ARHGAP28: variants seen among roughly 807,000 people sequenced by gnomAD.
ARHGAP28 encodes the protein Rho GTPase activating protein 28.
A neutral mutation model predicts 90.7 loss-of-function variants in ARHGAP28; 56 were observed. That is an observed-to-expected ratio of 0.62 (90% CI 0.50 to 0.77). ARHGAP28 has a LOEUF of 0.77. ARHGAP28 is among the 30% of genes least tolerant of loss of function. The pLI, the probability that ARHGAP28 is intolerant of heterozygous loss-of-function variation, is 0.00. For synonymous variants in ARHGAP28, 308 were observed against 323.3 expected (o/e 0.95, Z 0.51); for missense variants, 869 against 900.9 (o/e 0.96, Z 0.45).
At chr18:6,740,887 A>G (rs2055970934) in intron 1 of ARHGAP28, among the ~76,000 whole-genome samples, 1 of 152,182 alleles carries the variant, frequency 6.6e-6, no homozygotes, top group Non-Finnish European at 1.5e-5. Flanking sequence ...TCCTGGTTTG[A>G]TCACCTGCTT....
intron 3 of ARHGAP28, among the ~76,000 whole-genome samples, chr18:6,840,211 T>C (rs990320010): frequency 6.6e-6 from 1 of 152,208 alleles, no homozygotes; most frequent in Admixed American, 6.5e-5. Context: ...CCCTGGGTTA[T>C]TTTTCAGTTG....
intron 1 of ARHGAP28, among the ~76,000 whole-genome samples, chr18:6,795,022 A>G: frequency 6.6e-6 from 1 of 152,158 alleles, no homozygotes; most frequent in Non-Finnish European, 1.5e-5. Flanking sequence ...GCATGAAGAA[A>G]AGTTACACAG....
intron 10 of ARHGAP28, among the ~76,000 whole-genome samples, chr18:6,879,755 A>G (rs1487876578): frequency 6.6e-6 from 1 of 152,180 alleles, no homozygotes; most frequent in Non-Finnish European, 1.5e-5. Context: ...GTTTATTGAG[A>G]GCTGTCAGCA....
chr18:6,810,076 C>A (rs1031606256), intron 1 of ARHGAP28, among the ~76,000 whole-genome samples: 5 of 152,054 alleles, frequency 3.3e-5, no homozygotes, highest in African/African-American at 1.2e-4. Flanking sequence ...TGCTATCAAG[C>A]CAAAATTTCA....
At chr18:6,808,742 G>C (rs916867595) in intron 1 of ARHGAP28, among the ~76,000 whole-genome samples, 7 of 152,180 alleles carry the variant, frequency 4.6e-5, no homozygotes, top group African/African-American at 1.7e-4. Flanking sequence ...ATGGTTTAAA[G>C]CATAAGTCCA....
chr18:6,739,292 G>A (rs1331292581), intron 1 of ARHGAP28, among the ~76,000 whole-genome samples: 1 of 151,994 alleles, frequency 6.6e-6, no homozygotes, highest in African/African-American at 2.4e-5. Flanking sequence ...GCATAGTAGA[G>A]GTTATAAATA....
intron 16 of ARHGAP28, among the ~76,000 whole-genome samples, chr18:6,899,526 C>T (rs1417297408): frequency 1.3e-5 from 2 of 152,004 alleles, no homozygotes; most frequent in Non-Finnish European, 2.9e-5. Flanking sequence ...CTACTCCAGC[C>T]AAACACCAAT....
At chr18:6,838,820 TTGTCTACAGC>T (rs1232978335) in intron 3 of ARHGAP28, among the ~76,000 whole-genome samples, 11 of 152,184 alleles carry the variant, frequency 7.2e-5, no homozygotes, top group Admixed American at 7.2e-4. Flanking sequence ...GATGGTGGGA[TTGTCTACAGC>T]TGTAACTGAG....
intron 6 of ARHGAP28, among the ~76,000 whole-genome samples, chr18:6,870,363 AGTTT>A (rs113019683): frequency 1.3e-4 from 20 of 152,298 alleles, no homozygotes; most frequent in African/African-American, 3.9e-4. Flanking sequence ...CAGAGTAAAT[AGTTT>A]GTTTGGGCAA....
At chr18:6,869,426 A>G (rs1480671806) in intron 6 of ARHGAP28, among the ~76,000 whole-genome samples, 4 of 151,690 alleles carry the variant, frequency 2.6e-5, no homozygotes, top group Non-Finnish European at 4.4e-5. Flanking sequence ...ACACCCAGCT[A>G]ATTTTTGTAT....
intron 1 of ARHGAP28, among the ~76,000 whole-genome samples, chr18:6,783,560 CA>C (rs2056343537): frequency 6.9e-6 from 1 of 144,292 alleles, no homozygotes; most frequent in African/African-American, 2.9e-5. Context: ...CTCAGCCTCC[CA>C]AAGTGCTGGG....
rs374247443 is a variant in ARHGAP28, at chr18:6,870,836, A to G, written c.954+104A>G. On this transcript the variant is annotated intron_variant, in intron 7 of 17. Coordinates refer to ENST00000383472, the MANE Select transcript of ARHGAP28 (RefSeq NM_001366230.1). ...TTTTTTTGAGACGGAGTCTCGCTCT[A>G]TTGCCCCAGGCTGGAGTGCAGTGGC... 2.9e-3 allele frequency: 3,635 copies of G among 1,275,278 alleles called. 30 individuals carry two copies. The highest frequency in any genetic ancestry group is 0.026 in the African/African-American group (1,686 of 65,606). The allele number at this position is 1,275,278 out of a possible 1,614,324, so 79.0% of individuals were successfully genotyped here.
intron 4 of ARHGAP28, among the ~76,000 whole-genome samples, chr18:6,854,918 G>T (rs192891983): frequency 2.4e-4 from 37 of 152,190 alleles, no homozygotes; most frequent in Non-Finnish European, 4.7e-4. Flanking sequence ...GGCCCAGCCC[G>T]GGCGCTGTTG....
intron 4 of ARHGAP28, among the ~76,000 whole-genome samples, chr18:6,854,913 A>G (rs1474354467): frequency 1.3e-5 from 2 of 152,154 alleles, no homozygotes; most frequent in Admixed American, 1.3e-4. Flanking sequence ...GTTGTGGCCC[A>G]GCCCGGGCGC....
rs747979354 is a variant in ARHGAP28, at chr18:6,870,719, A to T, written c.941A>T (p.Asp314Val). 3.1e-6 allele frequency: 5 copies of T among 1,607,604 alleles called. No homozygotes were observed. Among genetic ancestry groups the T allele is most frequent in the Non-Finnish European group, 4.2e-6 (5 of 1,178,344 alleles). ...AAGAAATCAGAGATTAAGAAAGAAG[A>T]CTATGTTTTAACTGTAAGCAAAACC... is the stretch of plus-strand genomic sequence containing the variant. The part of the protein sequence containing the change: ...KLKKSEIKKE[D>V]YVLTKFNVQK... The change falls in exon 7 of 18, where the codon GAC becomes GTC. Residue 314 changes from aspartate to valine, a missense_variant. Physicochemically the swap from Asp to Val is radical, Grantham distance 152 (BLOSUM62 -3). Transcript: ENST00000383472.
intron 1 of ARHGAP28, among the ~76,000 whole-genome samples, chr18:6,762,210 A>C (rs1226392956): frequency 2.6e-5 from 4 of 152,152 alleles, no homozygotes; most frequent in Admixed American, 2.6e-4. Context: ...CTCCTGCTCC[A>C]AAGGTTTCTT....
At chr18:6,890,773 C>A (rs189944456) in intron 14 of ARHGAP28, among the ~76,000 whole-genome samples, 2 of 152,260 alleles carry the variant, frequency 1.3e-5, no homozygotes, top group Admixed American at 6.5e-5. Flanking sequence ...ATATCTCAGT[C>A]AGGAAGATTG....
intron 1 of ARHGAP28, among the ~76,000 whole-genome samples, chr18:6,817,353 CAAG>C (rs1389870700): frequency 6.6e-6 from 1 of 151,410 alleles, no homozygotes; most frequent in Non-Finnish European, 1.5e-5. Context: ...CAAAACAAAA[CAAG>C]AAGAGAGAAT....
chr18:6,908,196 G>T (rs1213687144), intron 16 of ARHGAP28, among the ~76,000 whole-genome samples: 1 of 151,878 alleles, frequency 6.6e-6, no homozygotes, highest in African/African-American at 2.4e-5. Context: ...GGAGTGCAAT[G>T]GCACGATCTC....
Sources: gnomAD v4.1 joint callset for allele counts (sites outside exome capture counted in the v4.1 genomes callset) on GRCh38, gnomAD v4.1.1 for gene constraint, MANE v1.5 for transcripts, NCBI Gene and HGNC (gene_info 2026-07-23, HGNC 2026-07-21) for gene names.